Variants in DCC observed in about 807,000 individuals in gnomAD.
DCC encodes the protein DCC netrin 1 receptor.
DCC carries 58 observed loss-of-function variants against 172.5 expected under a neutral mutation model. The ratio of observed to expected loss-of-function variants is 0.34; its 90% CI spans 0.27 to 0.42. The LOEUF (loss-of-function observed/expected upper bound fraction) is 0.42, where lower values mean the gene tolerates loss of function less well. Ranked by LOEUF, DCC falls within the 10% of genes least tolerant of loss-of-function variation. The pLI is 1.00. For synonymous variants in DCC, 709 were observed against 644.5 expected (o/e 1.10, Z -1.52); for missense variants, 1,740 against 1,791.0 (o/e 0.97, Z 0.51).
intron 1 of DCC, among the ~76,000 whole-genome samples, chr18:52,686,245 T>C (rs2035832698): frequency 6.6e-6 from 1 of 152,168 alleles, no homozygotes; most frequent in Non-Finnish European, 1.5e-5. Flanking sequence ...TGTTAGGTTA[T>C]TCAGCCAACT....
intron 9 of DCC, among the ~76,000 whole-genome samples, chr18:53,182,350 A>G (rs1205274085): frequency 2.0e-5 from 3 of 152,176 alleles, no homozygotes; most frequent in African/African-American, 4.8e-5. Flanking sequence ...TTACCAGTAT[A>G]TGGAATAAGG....
chr18:53,388,338 G>A (rs1908310173), intron 16 of DCC, among the ~76,000 whole-genome samples: 1 of 152,180 alleles, frequency 6.6e-6, no homozygotes, highest in African/African-American at 2.4e-5. Flanking sequence ...ATTAATAAAA[G>A]TGTCAGTGCC....
rs1461999081 is a variant in DCC at position 53,416,338 on chromosome 18, A to T, written c.3163+182A>T. 4.3e-6 allele frequency: 3 copies of T among 702,086 alleles called. No individual in the cohort carries two copies. The South Asian group carries it at 4.5e-5, about 11-fold the overall frequency. The allele number at this position is 702,086 out of a possible 1,614,324, so 43.5% of individuals were successfully genotyped here. On this transcript the variant is annotated intron_variant, in intron 21 of 28. Coordinates refer to ENST00000442544, the MANE Select transcript of DCC (RefSeq NM_005215.4). ...GCTGAGGCTGCGGCTCTGATAAGGA[A>T]GATGTAAATTTTCTTGAGAGGAAAT...
At chr18:53,470,192 T>C (rs2045678277) in intron 25 of DCC, among the ~76,000 whole-genome samples, 1 of 152,124 alleles carries the variant, frequency 6.6e-6, no homozygotes, top group South Asian at 2.1e-4. Context: ...ATTATTAAAA[T>C]GCTGATGAAT....
chr18:53,318,283 G>T (rs999713079), intron 13 of DCC, among the ~76,000 whole-genome samples: 1 of 152,166 alleles, frequency 6.6e-6, no homozygotes, highest in Non-Finnish European at 1.5e-5. Context: ...CCATGTAGTT[G>T]TGTGGTTTTG....
intron 1 of DCC, among the ~76,000 whole-genome samples, chr18:52,675,966 C>T (rs890916956): frequency 6.6e-6 from 1 of 152,122 alleles, no homozygotes; most frequent in Admixed American, 6.6e-5. Context: ...TTGATCTTTT[C>T]TTGGTGTTAG....
chr18:53,020,986 A>G (rs531582122), intron 5 of DCC, among the ~76,000 whole-genome samples: 3 of 152,140 alleles, frequency 2.0e-5, no homozygotes, highest in Admixed American at 1.3e-4. Flanking sequence ...AAGACCTTTT[A>G]CTAGACTGAT....
At chr18:52,679,481 T>C (rs917401504) in intron 1 of DCC, among the ~76,000 whole-genome samples, 14 of 152,298 alleles carry the variant, frequency 9.2e-5, no homozygotes, top group Middle Eastern at 3.4e-3. Flanking sequence ...TGTATATTCA[T>C]ATAGCCCCCA....
intron 1 of DCC, among the ~76,000 whole-genome samples, chr18:52,395,823 G>A (rs1323199957): frequency 6.6e-6 from 1 of 151,954 alleles, no homozygotes; most frequent in East Asian, 1.9e-4. Flanking sequence ...ATGGATTCCT[G>A]CCTGGTTATC....
At chr18:53,414,261 T>C (rs1599123068) in intron 20 of DCC, among the ~76,000 whole-genome samples, 1 of 152,138 alleles carries the variant, frequency 6.6e-6, no homozygotes, top group Non-Finnish European at 1.5e-5. Context: ...ATTCTGCAGC[T>C]CTACTATGCA....
rs578028359 is a variant in DCC, at chr18:53,422,797, G to A, written c.3163+6641G>A. On this transcript the variant is annotated intron_variant, in intron 21 of 28. Coordinates refer to ENST00000442544, the MANE Select transcript of DCC (RefSeq NM_005215.4). ...CGTTTGAAAAATGGAAACCTTTAGTGCCTTCTGATGGGAGCTGTTTAATTG... is the reference window on the plus strand; with the variant it reads ...CGTTTGAAAAATGGAAACCTTTAGTACCTTCTGATGGGAGCTGTTTAATTG... 5.9e-5 allele frequency among the ~76,000 whole-genome samples: 9 copies of A among 152,202 alleles called. No individual in the cohort carries two copies. In the South Asian group the frequency reaches 1.9e-3, roughly 32 times the overall value.
intron 15 of DCC, among the ~76,000 whole-genome samples, chr18:53,368,730 G>A (rs1241886551): frequency 6.6e-6 from 1 of 151,938 alleles, no homozygotes; most frequent in Non-Finnish European, 1.5e-5. Context: ...TTGAAATCTT[G>A]TCAACATTAT....
chr18:52,931,180 G>T (rs2040302106), intron 5 of DCC, among the ~76,000 whole-genome samples: 1 of 152,002 alleles, frequency 6.6e-6, no homozygotes, highest in Non-Finnish European at 1.5e-5. Flanking sequence ...TTTGTATAAT[G>T]TTTGAAATAA....
At chr18:53,013,822 A>C (rs536613801) in intron 5 of DCC, among the ~76,000 whole-genome samples, 107 of 152,314 alleles carry the variant, frequency 7.0e-4, no homozygotes, top group Non-Finnish European at 1.2e-3. Context: ...CCTTGGGAAT[A>C]AAGAAGCAGA....
chr18:52,348,053 G>A (rs1983956161), intron 1 of DCC, among the ~76,000 whole-genome samples: 1 of 151,930 alleles, frequency 6.6e-6, no homozygotes, highest in Non-Finnish European at 1.5e-5. Context: ...ACTTTACTTG[G>A]CTGTTCTTAA....
chr18:52,876,602 T>A (rs1314753813), intron 2 of DCC, among the ~76,000 whole-genome samples: 1 of 152,226 alleles, frequency 6.6e-6, no homozygotes, highest in Non-Finnish European at 1.5e-5. Flanking sequence ...ATGTTTAGGG[T>A]TAATTCTGCA....
chr18:53,460,283 T>G (rs1269951421), intron 24 of DCC, among the ~76,000 whole-genome samples: 2 of 114,546 alleles, frequency 1.7e-5, no homozygotes, highest in African/African-American at 3.1e-5. Flanking sequence ...TGTTTTTTTT[T>G]TTTTTTTTTT....
intron 2 of DCC, among the ~76,000 whole-genome samples, chr18:52,857,484 A>T (rs909188385): frequency 6.6e-6 from 1 of 152,162 alleles, no homozygotes; most frequent in Non-Finnish European, 1.5e-5. Flanking sequence ...CAATTGTACA[A>T]ATGACCCACT....
chr18:52,630,387 A>T (rs1204276279), intron 1 of DCC, among the ~76,000 whole-genome samples: 1 of 152,246 alleles, frequency 6.6e-6, no homozygotes, highest in African/African-American at 2.4e-5. Context: ...CTTTTTAATT[A>T]GATTCTGAGC....
Sources: gnomAD v4.1 joint callset for allele counts (sites outside exome capture counted in the v4.1 genomes callset) on GRCh38, gnomAD v4.1.1 for gene constraint, MANE v1.5 for transcripts, NCBI Gene and HGNC (gene_info 2026-07-23, HGNC 2026-07-21) for gene names.